Variants in NR1H4 observed in about 807,000 individuals in gnomAD.
NR1H4 encodes the protein bile acid receptor.
Under a neutral mutation model 58.5 loss-of-function variants are expected in NR1H4, and 23 were observed. That is an observed-to-expected ratio of 0.39 (90% confidence interval 0.28 to 0.56). NR1H4 has a LOEUF of 0.56. Among genes scored for constraint, NR1H4 ranks in the 20% least tolerant of loss-of-function variants. The pLI is 0.58. For missense variants in NR1H4, 487 were observed against 576.9 expected, an observed-to-expected ratio of 0.84 and a Z score of 1.60; for synonymous variants, 214 against 198.0, an observed-to-expected ratio of 1.08 and a Z score of -0.68.
intron 9 of NR1H4, among the ~76,000 whole-genome samples, chr12:100,550,289 A>T (rs915213215): frequency 6.6e-6 from 1 of 152,208 alleles, no homozygotes; most frequent in African/African-American, 2.4e-5. Flanking sequence ...GTTAATAAAA[A>T]TAGGAATAAT....
intron 1 of NR1H4, among the ~76,000 whole-genome samples, chr12:100,491,450 T>G (rs1953604034): frequency 6.6e-6 from 1 of 150,866 alleles, no homozygotes; most frequent in Admixed American, 6.7e-5. Context: ...GTTTCCAGAC[T>G]TCATTTTTAT....
intron 9 of NR1H4, among the ~76,000 whole-genome samples, chr12:100,560,125 A>G (rs1214323765): frequency 6.6e-6 from 1 of 152,144 alleles, no homozygotes; most frequent in Non-Finnish European, 1.5e-5. Flanking sequence ...GAAACTCTGT[A>G]TCTAACTAAT....
At chr12:100,484,016 C>T (rs1028576357) in intron 1 of NR1H4, among the ~76,000 whole-genome samples, 2 of 150,534 alleles carry the variant, frequency 1.3e-5, no homozygotes, top group Non-Finnish European at 2.9e-5. Flanking sequence ...GAATGTATTT[C>T]CAGCCTTTGG....
At chr12:100,475,182 A>T (rs1041707216) in intron 1 of NR1H4, among the ~76,000 whole-genome samples, 7 of 142,430 alleles carry the variant, frequency 4.9e-5, no homozygotes, top group Admixed American at 4.8e-4. Flanking sequence ...TGTTCCTAAA[A>T]AAAGGAAGGG....
intron 9 of NR1H4, among the ~76,000 whole-genome samples, chr12:100,553,670 G>T (rs998777765): frequency 1.3e-5 from 2 of 152,210 alleles, no homozygotes; most frequent in African/African-American, 4.8e-5. Context: ...AAGGGTGACA[G>T]CAGAATTGGT....
At chr12:100,551,396 A>T (rs1955199507) in intron 9 of NR1H4, among the ~76,000 whole-genome samples, 1 of 152,340 alleles carries the variant, frequency 6.6e-6, no homozygotes, top group Admixed American at 6.5e-5. Flanking sequence ...TTTTCCAAAG[A>T]TGCAAATCTA....
At position 100,537,830 on chromosome 12, in the gene NR1H4, C is replaced by T. The variant is rs149486311; in HGVS notation, c.931+783C>T. Among the ~76,000 whole-genome samples, 1,247 of 152,302 alleles carry T rather than the reference C, an allele frequency of 8.2e-3. 9 individuals carry two copies. Among genetic ancestry groups the T allele is most frequent in the Middle Eastern group, 0.02 (6 of 294 alleles). On this transcript the variant is annotated intron_variant, in intron 8 of 10. Transcript: ENST00000392986. ...CCGAGTTCAAGCAATTCTCCTGCCT[C>T]AGTCTCCTGAGTAGCTGGGACTACA... is the stretch of plus-strand genomic sequence containing the variant.
At chr12:100,542,519 T>C (rs1448531094) in intron 9 of NR1H4, among the ~76,000 whole-genome samples, 1 of 152,178 alleles carries the variant, frequency 6.6e-6, no homozygotes, top group Non-Finnish European at 1.5e-5. Flanking sequence ...TCTTAGGAGA[T>C]CCTTAAGATA....
rs562194359 is a variant in NR1H4 at position 100,543,892 on chromosome 12, T to C, written c.1078+3074T>C. The stretch of plus-strand genomic sequence containing the variant: ...GAAAACTACAATGGCTTCAACAGGT[T>C]CAGCAGCTTAGCTTTGTCATTTATT... On this transcript the variant is annotated intron_variant, in intron 9 of 10. Coordinates refer to ENST00000392986, the MANE Select transcript of NR1H4 (RefSeq NM_001206979.2). Among the ~76,000 whole-genome samples the C allele has an allele frequency of 1.3e-4, 20 of 152,258 alleles. No homozygotes were observed. The South Asian group carries it at 4.1e-3, about 32-fold the overall frequency.
At chr12:100,560,313 A>C (rs1024240730) in intron 9 of NR1H4, among the ~76,000 whole-genome samples, 2 of 152,162 alleles carry the variant, frequency 1.3e-5, no homozygotes, top group Non-Finnish European at 2.9e-5. Context: ...GTCCCCTTCC[A>C]CACTGTGGAG....
At chr12:100,551,951 G>A (rs1955212509) in intron 9 of NR1H4, among the ~76,000 whole-genome samples, 1 of 152,102 alleles carries the variant, frequency 6.6e-6, no homozygotes, top group Non-Finnish European at 1.5e-5. Flanking sequence ...ATTGTTTAGG[G>A]AATAATGACA....
intron 3 of NR1H4, among the ~76,000 whole-genome samples, 169 bp from the exon 4 acceptor site, chr12:100,510,609 A>T (rs548507355): frequency 2.3e-4 from 24 of 105,904 alleles, no homozygotes; most frequent in Admixed American, 4.2e-4. Context: ...ATTTAATTTT[A>T]TATATATATA....
intron 4 of NR1H4, among the ~76,000 whole-genome samples, chr12:100,511,614 T>G (rs902548769): frequency 6.6e-6 from 1 of 151,768 alleles, no homozygotes; most frequent in African/African-American, 2.4e-5. Context: ...CAAGTAATAA[T>G]AGCTTATATT....
chr12:100,503,090 T>G (rs1245981433), intron 3 of NR1H4, among the ~76,000 whole-genome samples: 1 of 152,204 alleles, frequency 6.6e-6, no homozygotes, highest in Admixed American at 6.5e-5. Context: ...TTCTGCCACC[T>G]TTTGATGGGG....
At chr12:100,520,134 C>G (rs528974991) in intron 4 of NR1H4, among the ~76,000 whole-genome samples, 1 of 152,192 alleles carries the variant, frequency 6.6e-6, no homozygotes, top group East Asian at 1.9e-4. Flanking sequence ...TCCCCGCTGA[C>G]CCCGCAGCCC....
At chr12:100,489,457 G>A (rs755254041) in intron 1 of NR1H4, among the ~76,000 whole-genome samples, 1 of 152,168 alleles carries the variant, frequency 6.6e-6, no homozygotes, top group Non-Finnish European at 1.5e-5. Flanking sequence ...AGTGGCTGTG[G>A]CTGAGTACCA....
At position 100,540,762 on chromosome 12, in the gene NR1H4, A is replaced by C; in HGVS notation, c.1022A>C (p.Asn341Thr). ...TTCCTTCGTTCAGCTGAGATTTTCAATAAGAAACTTCCGTCTGGGCATTCT... is the reference window on the plus strand; with the variant it reads ...TTCCTTCGTTCAGCTGAGATTTTCACTAAGAAACTTCCGTCTGGGCATTCT... ...AMFLRSAEIF[N>T]KKLPSGHSDL... The change falls in exon 9 of 11, where the codon AAT becomes ACT. Residue 341 changes from asparagine (N) to threonine (T), a missense_variant. By Grantham distance (65) the Asn-to-Thr change is moderately conservative. Coordinates refer to ENST00000392986, the MANE Select transcript of NR1H4 (RefSeq NM_001206979.2). 6.2e-7 allele frequency: 1 copy of C among 1,614,200 alleles called. No individual in the cohort carries two copies. The highest frequency in any genetic ancestry group is 8.5e-7 in the Non-Finnish European group (1 of 1,180,022).
At chr12:100,535,567 A>G (rs1026611429) in intron 6 of NR1H4, among the ~76,000 whole-genome samples, 1 of 152,252 alleles carries the variant, frequency 6.6e-6, no homozygotes, top group Non-Finnish European at 1.5e-5. Context: ...TGCACAGGAC[A>G]TTTGATGGAA....
chr12:100,534,876 C>T lies in NR1H4; in HGVS notation c.599-14C>T. On this transcript the variant is annotated splice_polypyrimidine_tract_variant and intron_variant, in intron 5 of 10. Transcript: ENST00000392986. ...TTCTGTGATTGGTGAAGTCTCTATG[C>T]TTATTTGTTTTAGGCTTGTTAACTG... The T allele has an allele frequency of 6.2e-7, 1 of 1,614,006 alleles. No homozygotes were observed. The highest frequency in any genetic ancestry group is 8.5e-7 in the Non-Finnish European group (1 of 1,179,930).
Sources: allele counts gnomAD v4.1 joint callset (sites outside exome capture counted in the v4.1 genomes callset), GRCh38; gene constraint gnomAD v4.1.1; transcripts MANE v1.5; gene names NCBI Gene and HGNC (gene_info 2026-07-23, HGNC 2026-07-21).